Variants in DPH6 observed in about 807,000 individuals in gnomAD.
DPH6 encodes the protein diphthamine biosynthesis 6.
In DPH6, 33 loss-of-function variants were observed where a neutral mutation model predicts 38.2. That is an observed-to-expected ratio of 0.86 (90% CI 0.65 to 1.15). The LOEUF (loss-of-function observed/expected upper bound fraction) is 1.15, where lower values mean the gene tolerates loss of function less well. Ranked by LOEUF, DPH6 falls within the 50% of genes most tolerant of loss-of-function variation. The pLI is 0.00. For synonymous variants in DPH6, 108 were observed against 103.0 expected (o/e 1.05, Z -0.30); for missense variants, 325 against 320.0 (o/e 1.02, Z -0.12).
the DPH6 span, among the ~76,000 whole-genome samples, chr15:35,196,844 A>G: frequency 6.6e-6 from 1 of 152,214 alleles, no homozygotes; most frequent in Non-Finnish European, 1.5e-5. Context: ...ACTATATTCA[A>G]GTAAAGTGAT....
rs556523661 is a variant in DPH6 at position 35,448,023 on chromosome 15, A to G, written c.505+2662T>C. On this transcript the variant is annotated intron_variant, in intron 5 of 8. Transcript: ENST00000256538. Reference sequence around the variant, plus strand: ...CAATTTAGTTACTTTGCAAACAAATATATCTTTCAAGAAACAGGAGGTTTT... The same window carrying G: ...CAATTTAGTTACTTTGCAAACAAATGTATCTTTCAAGAAACAGGAGGTTTT... 2.6e-5 allele frequency among the ~76,000 whole-genome samples: 4 copies of G among 152,306 alleles called. No individual in the cohort carries two copies. In the South Asian group the frequency reaches 8.3e-4, roughly 32 times the overall value.
intron 3 of DPH6, among the ~76,000 whole-genome samples, chr15:35,509,472 T>A (rs1200653793): frequency 6.6e-6 from 1 of 152,224 alleles, no homozygotes; most frequent in Non-Finnish European, 1.5e-5. Context: ...TCTTAATGCT[T>A]GCATTTACTT....
chr15:35,256,105 G>T (rs1239314057), intron 3 of DPH6, among the ~76,000 whole-genome samples: 1 of 151,990 alleles, frequency 6.6e-6, no homozygotes, highest in Non-Finnish European at 1.5e-5. Context: ...CCTGAATCCA[G>T]TTTCTCTAAT....
intron 3 of DPH6, among the ~76,000 whole-genome samples, chr15:35,517,817 T>G (rs924944580): frequency 3.3e-5 from 5 of 152,100 alleles, no homozygotes; most frequent in Admixed American, 2.0e-4. Context: ...ATCAGGTCAT[T>G]TGAAGTGTCT....
intron 3 of DPH6, among the ~76,000 whole-genome samples, chr15:35,529,774 T>C (rs1232502997): frequency 6.6e-6 from 1 of 152,148 alleles, no homozygotes. Flanking sequence ...AGTAGTAGCA[T>C]ACATTAAAAT....
At chr15:35,323,882 T>G (rs765404061) in intron 3 of DPH6, among the ~76,000 whole-genome samples, 8 of 152,220 alleles carry the variant, frequency 5.3e-5, no homozygotes, top group South Asian at 2.1e-4. Flanking sequence ...ATTTCTCATT[T>G]AAAATTTCAT....
downstream of DPH6, among the ~76,000 whole-genome samples, chr15:35,328,056 T>C (rs1450047169): frequency 6.6e-6 from 1 of 152,148 alleles, no homozygotes; most frequent in African/African-American, 2.4e-5. Context: ...TCATCTTCAC[T>C]GCAACATGAA....
At chr15:35,456,312 CA>C (rs975714499) in intron 3 of DPH6, among the ~76,000 whole-genome samples, 1 of 151,802 alleles carries the variant, frequency 6.6e-6, no homozygotes. Flanking sequence ...ATTCCTATAT[CA>C]TATAGATGTT....
At chr15:35,200,377 C>T in the DPH6 span, among the ~76,000 whole-genome samples, 1 of 152,024 alleles carries the variant, frequency 6.6e-6, no homozygotes, top group African/African-American at 2.4e-5. Flanking sequence ...AAAGCAGGAA[C>T]ATTTTGAATT....
chr15:35,176,644 T>C, the DPH6 span, among the ~76,000 whole-genome samples: 3 of 152,202 alleles, frequency 2.0e-5, no homozygotes, highest in African/African-American at 7.2e-5. Context: ...GCTAATTTTG[T>C]ATTTTTAGTA....
At chr15:35,185,503 G>A in the DPH6 span, among the ~76,000 whole-genome samples, 2 of 152,150 alleles carry the variant, frequency 1.3e-5, no homozygotes, top group African/African-American at 4.8e-5. Flanking sequence ...TGACAGAACA[G>A]CCTGGTATGT....
intron 3 of DPH6, among the ~76,000 whole-genome samples, chr15:35,278,083 C>T (rs1215289224): frequency 3.3e-5 from 5 of 152,150 alleles, no homozygotes; most frequent in South Asian, 4.1e-4. Context: ...TGCTAATATC[C>T]GAGACAATGG....
chr15:35,256,479 AT>A (rs2051708838), intron 3 of DPH6, among the ~76,000 whole-genome samples: 1 of 152,232 alleles, frequency 6.6e-6, no homozygotes. Context: ...TAAGTGATAT[AT>A]TTTTATCTTT....
chr15:35,288,863 C>T (rs1425247564), intron 3 of DPH6, among the ~76,000 whole-genome samples: 1 of 152,116 alleles, frequency 6.6e-6, no homozygotes, highest in Non-Finnish European at 1.5e-5. Context: ...CACCACTGCC[C>T]CACTTCTGCC....
chr15:35,353,153 G>C (rs1456205869), intron 3 of DPH6, among the ~76,000 whole-genome samples: 3 of 150,366 alleles, frequency 2.0e-5, no homozygotes, highest in Non-Finnish European at 4.4e-5. Context: ...AAATTTGTTT[G>C]AGTTCACTGT....
At chr15:35,470,280 A>G (rs1595392270) in intron 3 of DPH6, among the ~76,000 whole-genome samples, 1 of 152,166 alleles carries the variant, frequency 6.6e-6, no homozygotes, top group African/African-American at 2.4e-5. Flanking sequence ...AGCCAAAAGA[A>G]AGGGCTATCA....
chr15:35,431,440 A>G (rs954698216), intron 5 of DPH6, among the ~76,000 whole-genome samples: 9 of 151,614 alleles, frequency 5.9e-5, no homozygotes, highest in Non-Finnish European at 8.9e-5. Flanking sequence ...TTAAATCAGG[A>G]AAAAAAATGT....
chr15:35,366,674 C>T (rs2052664201), downstream of DPH6, among the ~76,000 whole-genome samples: 1 of 151,828 alleles, frequency 6.6e-6, no homozygotes, highest in African/African-American at 2.4e-5. Context: ...AACATATAAG[C>T]TCCCGGCCTC....
chr15:35,371,468 G>T lies in DPH6; in HGVS notation c.*682C>A. Reference sequence around the variant, plus strand: ...AATGTGTGGAGGTAGAGGGTATATGGGAAATCTCTGCATTTTCTGCTCCAT... The same window carrying T: ...AATGTGTGGAGGTAGAGGGTATATGTGAAATCTCTGCATTTTCTGCTCCAT... On this transcript the variant is annotated 3_prime_UTR_variant, in exon 9 of 9. Transcript: ENST00000256538. 1 of 595,912 alleles carries T rather than the reference G, an allele frequency of 1.7e-6. No homozygotes were observed. Among genetic ancestry groups the T allele is most frequent in the Non-Finnish European group, 2.1e-6 (1 of 474,800 alleles). 36.9% of individuals were successfully genotyped at this position (595,912 alleles called of 1,614,324 possible).
Sources: allele counts gnomAD v4.1 joint callset (sites outside exome capture counted in the v4.1 genomes callset), GRCh38; gene constraint gnomAD v4.1.1; transcripts MANE v1.5; gene names NCBI Gene and HGNC (gene_info 2026-07-23, HGNC 2026-07-21).